SYNJ1: variants seen among roughly 807,000 people sequenced by gnomAD.
The protein encoded by SYNJ1 is synaptojanin 1.
Under a neutral mutation model 168.2 loss-of-function variants are expected in SYNJ1, and 78 were observed. That is an observed-to-expected ratio of 0.46 (90% CI 0.39 to 0.56). SYNJ1 has a LOEUF of 0.56. Ranked by LOEUF, SYNJ1 falls within the 20% of genes least tolerant of loss-of-function variation. SYNJ1 has a pLI of 0.00. For missense variants in SYNJ1, 1,303 were observed against 1,597.6 expected, an observed-to-expected ratio of 0.82 and a Z score of 3.14; for synonymous variants, 539 against 548.6, an observed-to-expected ratio of 0.98 and a Z score of 0.24.
intron 21 of SYNJ1, among the ~76,000 whole-genome samples, chr21:32,655,024 C>T (rs1462456687): frequency 2.6e-5 from 4 of 152,218 alleles, no homozygotes; most frequent in Non-Finnish European, 4.4e-5. Context: ...AGGTTGGAGA[C>T]ACCCCATGGT....
chr21:32,650,124 T>C, intron 23 of SYNJ1, 60 bp downstream of exon 23: 2 of 1,520,642 alleles, frequency 1.3e-6, no homozygotes, highest in Non-Finnish European at 1.8e-6. Flanking sequence ...AATAAGACTT[T>C]ACAGATTGGA....
rs1292375719 is a variant in SYNJ1, at chr21:32,629,090, A to G, written c.*2715T>C. ...CATTTTCAGCAACTTGCCAAGTATA[A>G]TTTTCCTGATAAAGGCTGGGCTGCT... On this transcript the variant is annotated 3_prime_UTR_variant, in exon 33 of 33. Transcript: ENST00000674351. 6.6e-6 allele frequency: 1 copy of G among 152,652 alleles called. No homozygotes were observed. Among genetic ancestry groups the G allele is most frequent in the Non-Finnish European group, 1.5e-5 (1 of 68,036 alleles). The allele number at this position is 152,652 out of a possible 1,614,324, so 9.5% of individuals were successfully genotyped here.
At position 32,695,095 on chromosome 21, in the gene SYNJ1, C is replaced by T. The variant is rs1162811927; in HGVS notation, c.667G>A (p.Asp223Asn). Residue 223 changes from aspartate to asparagine, a missense_variant, in exon 5 of 33, where the codon GAT becomes AAT. Coordinates refer to ENST00000674351, the MANE Select transcript of SYNJ1 (RefSeq NM_203446.3). Reference protein sequence around the residue: ...GTRFNVRGTNDDGHVANFVET... With the variant: ...GTRFNVRGTNNDGHVANFVET... ...ACAAAATTGGCAACATGACCATCAT[C>T]ATTTGTTCCCCGGACATTAAACCTG... 6.2e-7 allele frequency: 1 copy of T among 1,614,126 alleles called. No individual in the cohort carries two copies. The highest frequency in any genetic ancestry group is 8.5e-7 in the Non-Finnish European group (1 of 1,180,018).
At chr21:32,695,496 T>A (rs2042169745) in intron 4 of SYNJ1, among the ~76,000 whole-genome samples, 2 of 151,872 alleles carry the variant, frequency 1.3e-5, no homozygotes, top group Non-Finnish European at 2.9e-5. Context: ...AGAAAAGGAG[T>A]ATTTTTGTGT....
intron 26 of SYNJ1, 90 bp from the exon 27 acceptor site, chr21:32,643,547 C>G (rs1162910600): frequency 7.5e-7 from 1 of 1,340,960 alleles, no homozygotes; most frequent in Admixed American, 2.0e-5. Context: ...CCATAGTAAA[C>G]TCACTTTTGC....
At chr21:32,646,348 A>G in intron 24 of SYNJ1, 45 bp downstream of exon 24, 1 of 1,576,736 alleles carries the variant, frequency 6.3e-7, no homozygotes, top group Non-Finnish European at 8.7e-7. Context: ...CATCAAGCAC[A>G]TTGGCCACAG....
intron 18 of SYNJ1, among the ~76,000 whole-genome samples, chr21:32,664,563 C>T (rs975191789): frequency 2.0e-5 from 3 of 151,996 alleles, no homozygotes; most frequent in African/African-American, 4.8e-5. Flanking sequence ...TCCCATACCC[C>T]CTGCTTGCTC....
intron 9 of SYNJ1, among the ~76,000 whole-genome samples, chr21:32,685,425 C>A (rs1180847265): frequency 4.0e-4 from 27 of 67,240 alleles, no homozygotes; most frequent in African/African-American, 6.3e-4. Flanking sequence ...CCGTCTCTAC[C>A]AAAAAAAAAA....
At chr21:32,644,356 T>A (rs1433661095) in intron 26 of SYNJ1, among the ~76,000 whole-genome samples, 3 of 152,228 alleles carry the variant, frequency 2.0e-5, no homozygotes, top group Admixed American at 6.5e-5. Context: ...GCCATGTCAC[T>A]AGGCAAGCTA....
chr21:32,692,822 CAGG>C (rs1465749570), intron 6 of SYNJ1, among the ~76,000 whole-genome samples: 1 of 152,070 alleles, frequency 6.6e-6, no homozygotes, highest in Non-Finnish European at 1.5e-5. Context: ...GAGGCCAAGG[CAGG>C]AGAACTGTTT....
chr21:32,673,575 A>G (rs1452386508), intron 13 of SYNJ1, 44 bp from the exon 14 acceptor site: 1 of 1,486,584 alleles, frequency 6.7e-7, no homozygotes, highest in Non-Finnish European at 9.0e-7. Context: ...GCATCAAACC[A>G]TTTATAAAAA....
intron 21 of SYNJ1, among the ~76,000 whole-genome samples, chr21:32,654,519 A>C (rs2040391327): frequency 6.6e-6 from 1 of 152,186 alleles, no homozygotes; most frequent in Non-Finnish European, 1.5e-5. Context: ...CACTGTAAGC[A>C]TACATTTATG....
intron 2 of SYNJ1, among the ~76,000 whole-genome samples, chr21:32,722,190 A>G (rs1440981207): frequency 1.2e-5 from 1 of 86,508 alleles, no homozygotes; most frequent in Non-Finnish European, 2.4e-5. Flanking sequence ...CATCTCAAAG[A>G]AAAAAAAAAA....
In SYNJ1 at chr21:32,645,667, G is replaced by C. The variant is rs768503724; in HGVS notation, c.3370C>G (p.Gln1124Glu). The C allele has an allele frequency of 4.4e-5, 68 of 1,528,346 alleles. 1 individual carries two copies. The highest frequency in any genetic ancestry group is 5.5e-5 in the Non-Finnish European group (63 of 1,143,748). The allele number at this position is 1,528,346 out of a possible 1,614,324, so 94.7% of individuals were successfully genotyped here. A position where few individuals can be genotyped will look rare whatever the true frequency, so the allele number is the denominator to read the frequency against. Reference sequence around the variant, plus strand: ...TCACCTGAAGGCGGAGGAGGTCTCTGTGGGGGAGCCGGGCGTGTGGGAGGG... The same window carrying C: ...TCACCTGAAGGCGGAGGAGGTCTCTCTGGGGGAGCCGGGCGTGTGGGAGGG... ...VAPPTRPAPP[Q>E]RPPPPSGARS... Residue 1124 changes from glutamine to glutamate, a missense_variant, in exon 25 of 33, where the codon CAG becomes GAG. Around this residue, in one of 2 missense-constraint regions of SYNJ1, gnomAD observed 383 missense variants for 388.8 expected, o/e 0.99. Transcript: ENST00000674351.
At chr21:32,689,164 C>A (rs915431467) in intron 6 of SYNJ1, among the ~76,000 whole-genome samples, 1 of 152,132 alleles carries the variant, frequency 6.6e-6, no homozygotes, top group African/African-American at 2.4e-5. Flanking sequence ...TAGGTGAGAC[C>A]AGATTATTTC....
intron 6 of SYNJ1, among the ~76,000 whole-genome samples, chr21:32,693,302 T>C (rs934290234): frequency 2.6e-5 from 4 of 152,180 alleles, no homozygotes; most frequent in African/African-American, 7.2e-5. Context: ...GGGAAAGATA[T>C]ATCTATTTAC....
chr21:32,683,929 G>GCAT, intron 10 of SYNJ1, 109 bp downstream of exon 10: 1 of 906,950 alleles, frequency 1.1e-6, no homozygotes. Context: ...ACAAAATGAA[G>GCAT]CATAACATTA....
At chr21:32,710,138 TGCAGTGA>T (rs2042774716) in intron 2 of SYNJ1, among the ~76,000 whole-genome samples, 1 of 152,004 alleles carries the variant, frequency 6.6e-6, no homozygotes, top group African/African-American at 2.4e-5. Flanking sequence ...AGGTTGAGGT[TGCAGTGA>T]GCCGAGATTA....
intron 2 of SYNJ1, among the ~76,000 whole-genome samples, chr21:32,725,837 CT>C (rs1161768470): frequency 2.6e-5 from 4 of 151,892 alleles, no homozygotes; most frequent in Non-Finnish European, 4.4e-5. Flanking sequence ...TAATCATATA[CT>C]TTTTTTTCTT....
Sources: allele counts gnomAD v4.1 joint callset (sites outside exome capture counted in the v4.1 genomes callset), GRCh38; gene constraint gnomAD v4.1.1; regional missense constraint gnomAD v4.1.1; transcripts MANE v1.5; gene names NCBI Gene and HGNC (gene_info 2026-07-23, HGNC 2026-07-21).